The following CD8B2 variants were observed in gnomAD, a reference collection of about 807,000 sequenced individuals.
The protein encoded by CD8B2 is T-cell surface glycoprotein CD8 beta-2 chain.
CD8B2 carries 11 observed loss-of-function variants against 23.7 expected under a neutral mutation model. The observed-to-expected ratio is 0.46, with a 90% CI of 0.29 to 0.77. The LOEUF (loss-of-function observed/expected upper bound fraction) is 0.77, where lower values mean the gene tolerates loss of function less well. CD8B2 is among the 30% of genes least tolerant of loss of function. CD8B2 has a pLI of 0.09. For missense variants in CD8B2, 197 were observed against 270.5 expected (o/e 0.73, Z 1.91); for synonymous variants, 90 against 109.3 (o/e 0.82, Z 1.10).
At chr2:106,515,925 C>T (rs1397686003), downstream of CD8B2, among the ~76,000 whole-genome samples, 3 of 151,922 alleles carry the variant, frequency 2.0e-5, no homozygotes, top group African/African-American at 4.8e-5. Flanking sequence ...AGGGTTCAAG[C>T]GATTCTCCTG....
intron 2 of CD8B2, among the ~76,000 whole-genome samples, chr2:106,494,826 G>C (rs1263972724): frequency 6.6e-6 from 1 of 152,172 alleles, no homozygotes; most frequent in Non-Finnish European, 1.5e-5. Context: ...CTTGTCTCTG[G>C]TGTTCACCTT....
chr2:106,536,699 C>CATCT (rs1558887874), intron 5 of CD8B2, among the ~76,000 whole-genome samples: 1 of 152,230 alleles, frequency 6.6e-6, no homozygotes, highest in Non-Finnish European at 1.5e-5. Context: ...GGTGCAGGTG[C>CATCT]ATCTCAAAGG....
intron 5 of CD8B2, among the ~76,000 whole-genome samples, chr2:106,541,385 C>G (rs571484051): frequency 8.2e-4 from 125 of 152,268 alleles, no homozygotes; most frequent in African/African-American, 2.8e-3. Context: ...TGGTATTCAA[C>G]CAAGGGGCAG....
At chr2:106,535,945 A>T (rs971076187) in intron 5 of CD8B2, among the ~76,000 whole-genome samples, 114 of 152,198 alleles carry the variant, frequency 7.5e-4, no homozygotes, top group Non-Finnish European at 3.4e-4. Flanking sequence ...GAAGTTTTCA[A>T]TAATGGTGGA....
Position 106,507,000 on chromosome 2 carries a change from T to C in CD8B2, c.*60T>C, listed in dbSNP as rs1679520643. 5.2e-6 allele frequency: 8 copies of C among 1,541,266 alleles called. No individual in the cohort carries two copies. In the East Asian group the frequency reaches 1.6e-4, roughly 31 times the overall value. ...AGACATCGGTCAGTAACGAGCACGA[T>C]GTGGAAAAATGAGAGAAGGGACACA... On this transcript the variant is annotated 3_prime_UTR_variant, in exon 6 of 6. Transcript: ENST00000643224.
chr2:106,518,010 A>G (rs1047134883), intron 5 of CD8B2, among the ~76,000 whole-genome samples: 1 of 152,182 alleles, frequency 6.6e-6, no homozygotes, highest in African/African-American at 2.4e-5. Flanking sequence ...CACCGCGCCC[A>G]GCCTGTTTAT....
chr2:106,511,632 C>T (rs370271539), downstream of CD8B2, among the ~76,000 whole-genome samples: 17 of 152,166 alleles, frequency 1.1e-4, no homozygotes, highest in East Asian at 2.5e-3. Context: ...AAGTGATCCC[C>T]GACCCCGCGT....
At chr2:106,519,088 A>G (rs1038955010) in intron 5 of CD8B2, among the ~76,000 whole-genome samples, 1 of 152,114 alleles carries the variant, frequency 6.6e-6, no homozygotes, top group Non-Finnish European at 1.5e-5. Flanking sequence ...CCATCCATCC[A>G]TCTTCTATAG....
In CD8B2 at chr2:106,506,980, T is replaced by C. The variant is rs1679519883; in HGVS notation, c.*40T>C. ...TTTGGTGTCCTGCTACAAAAAGACA[T>C]CGGTCAGTAACGAGCACGATGTGGA... On this transcript the variant is annotated 3_prime_UTR_variant, in exon 6 of 6. Transcript: ENST00000643224. The C allele has an allele frequency of 1.4e-5, 23 of 1,589,930 alleles. No individual in the cohort carries two copies. Among genetic ancestry groups the C allele is most frequent in the Middle Eastern group, 1.7e-4 (1 of 5,940 alleles).
chr2:106,514,149 C>T (rs1266191014), downstream of CD8B2, among the ~76,000 whole-genome samples: 1 of 141,084 alleles, frequency 7.1e-6, no homozygotes, highest in Middle Eastern at 3.2e-3. Context: ...CCAGCCCCAC[C>T]GAGCACAGAA....
At chr2:106,543,914 T>G in intron 5 of CD8B2, 1 of 398,322 alleles carries the variant, frequency 2.5e-6, no homozygotes. Context: ...ACTGAAAGTT[T>G]TGTGATGTAC....
chr2:106,529,450 G>A (rs1679963560), intron 5 of CD8B2, among the ~76,000 whole-genome samples: 1 of 152,210 alleles, frequency 6.6e-6, no homozygotes, highest in Admixed American at 6.5e-5. Flanking sequence ...CATATGCCCA[G>A]AAATGGTAAG....
chr2:106,527,656 C>T (rs925398925), intron 5 of CD8B2, among the ~76,000 whole-genome samples: 21 of 152,114 alleles, frequency 1.4e-4, no homozygotes, highest in Admixed American at 3.9e-4. Context: ...GTGGTAGCAC[C>T]GCCTGTAATC....
Position 106,491,195 on chromosome 2 carries a change from C to T in CD8B2, c.365C>T (p.Pro122Leu). 1 of 1,611,840 alleles carries T rather than the reference C, an allele frequency of 6.2e-7. No homozygotes were observed. Among genetic ancestry groups the T allele is most frequent in the Non-Finnish European group, 8.5e-7 (1 of 1,178,154 alleles). Reference sequence around the variant, plus strand: ...TACTTCTGCATGATCGTCGGGAGCCCCGAGCTGACCTTCGGGAAGGGAACT... The same window carrying T: ...TACTTCTGCATGATCGTCGGGAGCCTCGAGCTGACCTTCGGGAAGGGAACT... ...GIYFCMIVGS[P>L]ELTFGKGTQL... Residue 122 changes from proline (P) to leucine (L), a missense_variant, in exon 2 of 6, where the codon CCC (proline) becomes CTC (leucine). Physicochemically the swap from Pro to Leu is moderately conservative, Grantham distance 98. Transcript: ENST00000643224.
chr2:106,514,469 A>G (rs570232660), downstream of CD8B2, among the ~76,000 whole-genome samples: 53 of 151,348 alleles, frequency 3.5e-4, no homozygotes, highest in Non-Finnish European at 6.3e-4. Context: ...TGTATTTTTT[A>G]GTAGAGACGG....
intron 5 of CD8B2, among the ~76,000 whole-genome samples, chr2:106,530,229 G>A (rs1332125338): frequency 6.6e-6 from 1 of 151,754 alleles, no homozygotes; most frequent in Non-Finnish European, 1.5e-5. Flanking sequence ...TCTTGAGGGC[G>A]CAAACCTTGA....
At chr2:106,538,840 T>G (rs1398511749) in intron 5 of CD8B2, among the ~76,000 whole-genome samples, 1 of 151,606 alleles carries the variant, frequency 6.6e-6, no homozygotes, top group African/African-American at 2.4e-5. Flanking sequence ...CCTGGGGGCC[T>G]TCCTTGCCCT....
chr2:106,511,763 C>T (rs921845107), downstream of CD8B2, among the ~76,000 whole-genome samples: 14 of 152,196 alleles, frequency 9.2e-5, no homozygotes, highest in Middle Eastern at 3.2e-3. Context: ...TCCTTCGATG[C>T]GTCACTGACA....
At chr2:106,531,007 C>T (rs975720824) in intron 5 of CD8B2, among the ~76,000 whole-genome samples, 2 of 152,204 alleles carry the variant, frequency 1.3e-5, no homozygotes, top group African/African-American at 2.4e-5. Flanking sequence ...CAGTAGCCCT[C>T]GGGGCTGCAC....
Sources: gnomAD v4.1 joint callset for allele counts (sites outside exome capture counted in the v4.1 genomes callset) on GRCh38, gnomAD v4.1.1 for gene constraint, MANE v1.5 for transcripts, NCBI Gene and HGNC (gene_info 2026-07-23, HGNC 2026-07-21) for gene names.